SSX2IP: variants seen among roughly 807,000 people sequenced by gnomAD.
SSX2IP encodes SSX family member 2 interacting protein.
Under a neutral mutation model 84.9 loss-of-function variants are expected in SSX2IP, and 55 were observed. The observed-to-expected ratio is 0.65, with a 90% CI of 0.52 to 0.81. The LOEUF is 0.81. Among genes scored for constraint, SSX2IP ranks in the 30% least tolerant of loss-of-function variants. The pLI is 0.00. For synonymous variants in SSX2IP, 239 were observed against 234.7 expected, an observed-to-expected ratio of 1.02 and a Z score of -0.17; for missense variants, 664 against 705.2, an observed-to-expected ratio of 0.94 and a Z score of 0.66.
At chr1:84,650,171 G>GT in intron 13 of SSX2IP, 191 bp downstream of exon 13, 2 of 630,714 alleles carry the variant, frequency 3.2e-6, no homozygotes, top group Non-Finnish European at 5.6e-6. Context: ...GTTCACTAGT[G>GT]TATTTCCAGC....
chr1:84,689,096 T>C (rs1044483162), intron 1 of SSX2IP, among the ~76,000 whole-genome samples: 5 of 152,222 alleles, frequency 3.3e-5, no homozygotes, highest in African/African-American at 1.2e-4. Context: ...AGGTTGATAG[T>C]TTTAGGATAA....
intron 4 of SSX2IP, among the ~76,000 whole-genome samples, chr1:84,668,189 C>T (rs1653027141): frequency 6.6e-6 from 1 of 152,108 alleles, no homozygotes; most frequent in African/African-American, 2.4e-5. Flanking sequence ...AATGGGACCA[C>T]TCCTTGAAGT....
intron 1 of SSX2IP, among the ~76,000 whole-genome samples, chr1:84,684,818 CA>C (rs1467914253): frequency 6.6e-6 from 1 of 151,504 alleles, no homozygotes; most frequent in Non-Finnish European, 1.5e-5. Context: ...ATATAAATTT[CA>C]GTATTATAAA....
Position 84,645,941 on chromosome 1 carries a change from T to C in SSX2IP, c.*1492A>G, listed in dbSNP as rs1649418599. On this transcript the variant is annotated 3_prime_UTR_variant, in exon 14 of 14. Coordinates refer to ENST00000342203, the MANE Select transcript of SSX2IP (RefSeq NM_001166293.2). ...ATGTCTCATAAGACACTCTTAATGA[T>C]ATCCTATCAGCCCTGAAAAAATGGC... 6.6e-6 allele frequency: 1 copy of C among 152,214 alleles called. No individual in the cohort carries two copies. Among genetic ancestry groups the C allele is most frequent in the Non-Finnish European group, 1.5e-5 (1 of 68,036 alleles). The allele number at this position is 152,214 out of a possible 1,614,324, so 9.4% of individuals were successfully genotyped here. A position where few individuals can be genotyped will look rare whatever the true frequency, so the allele number is the denominator to read the frequency against.
chr1:84,679,315 A>G (rs1047853929), intron 1 of SSX2IP, among the ~76,000 whole-genome samples: 28 of 152,254 alleles, frequency 1.8e-4, no homozygotes, highest in African/African-American at 6.0e-4. Flanking sequence ...ACATCAGTAC[A>G]GAAACACATT....
chr1:84,674,416 A>G (rs1445117519), intron 1 of SSX2IP, among the ~76,000 whole-genome samples: 4 of 152,308 alleles, frequency 2.6e-5, no homozygotes, highest in Middle Eastern at 3.4e-3. Context: ...CTAGAGACAG[A>G]TATCTTTATA....
chr1:84,667,592 G>A (rs1228861642), intron 4 of SSX2IP, among the ~76,000 whole-genome samples: 1 of 152,044 alleles, frequency 6.6e-6, no homozygotes, highest in Admixed American at 6.6e-5. Flanking sequence ...GTGCTTCCCT[G>A]TTTTTGTACA....
intron 1 of SSX2IP, among the ~76,000 whole-genome samples, chr1:84,683,972 G>A (rs1339156533): frequency 6.6e-6 from 1 of 152,108 alleles, no homozygotes; most frequent in African/African-American, 2.4e-5. Flanking sequence ...CAACTTTTAA[G>A]GTTAAAAGTC....
chr1:84,651,773 T>A, intron 12 of SSX2IP, 110 bp downstream of exon 12: 2 of 662,816 alleles, frequency 3.0e-6, no homozygotes, highest in South Asian at 5.2e-5. Flanking sequence ...ATTAGAGAGC[T>A]CTAATTGGTG....
Position 84,650,652 on chromosome 1 carries a change from T to A in SSX2IP, c.1505-125A>T, listed in dbSNP as rs1032281129. On this transcript the variant is annotated intron_variant, in intron 12 of 13. Coordinates refer to ENST00000342203, the MANE Select transcript of SSX2IP (RefSeq NM_001166293.2). Reference sequence around the variant, plus strand: ...AGGAAAGAGATGGAACAAATTCAAATTAATTATCATTAATCTTGCTTATCT... The same window carrying A: ...AGGAAAGAGATGGAACAAATTCAAAATAATTATCATTAATCTTGCTTATCT... 9.2e-6 allele frequency: 9 copies of A among 982,034 alleles called. No homozygotes were observed. In the East Asian group the frequency reaches 1.9e-4, roughly 21 times the overall value. 60.8% of individuals were successfully genotyped at this position (982,034 alleles called of 1,614,324 possible). A position where few individuals can be genotyped will look rare whatever the true frequency, so the allele number is the denominator to read the frequency against.
At chr1:84,687,127 C>A (rs894108258) in intron 1 of SSX2IP, among the ~76,000 whole-genome samples, 3 of 152,018 alleles carry the variant, frequency 2.0e-5, no homozygotes, top group African/African-American at 7.2e-5. Context: ...CTAATCACAC[C>A]CCTACGAAGC....
At position 84,671,323 on chromosome 1, in the gene SSX2IP, T is replaced by A. The variant is rs770501565; in HGVS notation, c.-89-15A>T. 2 of 1,517,366 alleles carry A rather than the reference T, an allele frequency of 1.3e-6. No individual in the cohort carries two copies. The highest frequency in any genetic ancestry group is 1.8e-6 in the Non-Finnish European group (2 of 1,134,388). The allele number at this position is 1,517,366 out of a possible 1,614,324, so 94.0% of individuals were successfully genotyped here. A position where few individuals can be genotyped will look rare whatever the true frequency, so the allele number is the denominator to read the frequency against. On this transcript the variant is annotated splice_polypyrimidine_tract_variant and intron_variant, in intron 1 of 13. Coordinates refer to ENST00000342203, the MANE Select transcript of SSX2IP (RefSeq NM_001166293.2). ...GTAGGCATCTCCTTAAAAAGCAGAT[T>A]ATAGAATAATAGCATCTAATTTAAA...
chr1:84,675,728 A>G (rs1165763169), intron 1 of SSX2IP, among the ~76,000 whole-genome samples: 1 of 152,192 alleles, frequency 6.6e-6, no homozygotes, highest in Non-Finnish European at 1.5e-5. Flanking sequence ...GTAAAAATGC[A>G]GATTCAATGA....
intron 1 of SSX2IP, among the ~76,000 whole-genome samples, chr1:84,684,093 CA>C: frequency 6.6e-6 from 1 of 152,198 alleles, no homozygotes; most frequent in East Asian, 1.9e-4. Context: ...ACAAAGAAAC[CA>C]AACATAATTA....
rs1652134914 is a variant in SSX2IP, at chr1:84,662,365, C to T, written c.760G>A (p.Glu254Lys). 3 of 1,606,536 alleles carry T rather than the reference C, an allele frequency of 1.9e-6. No individual in the cohort carries two copies. Among genetic ancestry groups the T allele is most frequent in the Non-Finnish European group, 2.5e-6 (3 of 1,177,326 alleles). ...TGKTEARNED[E>K]MYKILLNDYE... Reference sequence around the variant, plus strand: ...TCATTCAAGAGAATTTTATACATTTCATCTTCATTCCTGAGAAAGAAACTG... The same window carrying T: ...TCATTCAAGAGAATTTTATACATTTTATCTTCATTCCTGAGAAAGAAACTG... The change falls in exon 8 of 14, where the codon GAA (glutamate) becomes AAA (lysine). Residue 254 changes from glutamate to lysine, a missense_variant. Coordinates refer to ENST00000342203, the MANE Select transcript of SSX2IP (RefSeq NM_001166293.2).
At chr1:84,681,328 A>G (rs1655052533) in intron 1 of SSX2IP, among the ~76,000 whole-genome samples, 1 of 152,244 alleles carries the variant, frequency 6.6e-6, no homozygotes, top group Non-Finnish European at 1.5e-5. Context: ...GTTAAAAACC[A>G]ACACATATGG....
chr1:84,665,070 T>G (rs1457710252), intron 5 of SSX2IP, among the ~76,000 whole-genome samples: 2 of 152,180 alleles, frequency 1.3e-5, no homozygotes, highest in Admixed American at 1.3e-4. Context: ...GAGTATCTAC[T>G]AGGTGCCAGA....
At chr1:84,647,751 G>GC in intron 13 of SSX2IP, 144 bp from the exon 14 acceptor site, 91 of 373,220 alleles carry the variant, frequency 2.4e-4, no homozygotes, top group Non-Finnish European at 3.3e-4. Flanking sequence ...AATTTTACTT[G>GC]GAAAAAAAAA....
intron 8 of SSX2IP, among the ~76,000 whole-genome samples, chr1:84,661,862 G>C (rs1652030332): frequency 1.3e-5 from 2 of 151,760 alleles, no homozygotes; most frequent in South Asian, 4.2e-4. Context: ...TATAAAATGG[G>C]GATATTTATA....
Sources: allele counts gnomAD v4.1 joint callset (sites outside exome capture counted in the v4.1 genomes callset), GRCh38; gene constraint gnomAD v4.1.1; transcripts MANE v1.5; gene names NCBI Gene and HGNC (gene_info 2026-07-23, HGNC 2026-07-21).